SKAP1: variants seen among roughly 807,000 people sequenced by gnomAD.
SKAP1 encodes the protein src kinase associated phosphoprotein 1.
In SKAP1, 44 loss-of-function variants were observed where a neutral mutation model predicts 58.5. The observed-to-expected ratio is 0.75, with a 90% CI of 0.59 to 0.97. SKAP1 has a LOEUF of 0.97. Ranked by LOEUF, SKAP1 falls within the 50% of genes least tolerant of loss-of-function variation. The probability of loss-of-function intolerance (pLI) is 0.00; values close to 1 mark genes in which losing one functional copy is unlikely to be tolerated. For synonymous variants in SKAP1, 127 were observed against 149.7 expected (o/e 0.85, Z 1.11); for missense variants, 390 against 435.2 (o/e 0.90, Z 0.92).
intron 1 of SKAP1, among the ~76,000 whole-genome samples, chr17:48,402,910 G>A (rs2067518772): frequency 6.6e-6 from 1 of 152,150 alleles, no homozygotes; most frequent in African/African-American, 2.4e-5. Context: ...GTCAGGAAGA[G>A]GGATTGGAGA....
chr17:48,187,235 G>A (rs565039410), intron 6 of SKAP1, among the ~76,000 whole-genome samples: 6 of 152,270 alleles, frequency 3.9e-5, no homozygotes, highest in Non-Finnish European at 7.3e-5. Context: ...CATGAGTGTT[G>A]ACTTGATTAA....
intron 10 of SKAP1, 107 bp from the exon 11 acceptor site, chr17:48,162,676 AC>A (rs1371258733): frequency 2.7e-6 from 2 of 731,686 alleles, no homozygotes; most frequent in African/African-American, 3.5e-5. Context: ...CCCCTAGGAA[AC>A]CTCAGATTAA....
the SKAP1 span, among the ~76,000 whole-genome samples, chr17:48,440,084 C>T: frequency 4.6e-5 from 7 of 152,158 alleles, no homozygotes; most frequent in African/African-American, 4.8e-5. Flanking sequence ...TTCAGCAATG[C>T]GGCCTGCGAC....
chr17:48,296,402 T>G (rs540864542), intron 4 of SKAP1, among the ~76,000 whole-genome samples: 1 of 152,324 alleles, frequency 6.6e-6, no homozygotes, highest in South Asian at 2.1e-4. Context: ...GCAAGGTGGT[T>G]GTTGTTGTTT....
intron 2 of SKAP1, among the ~76,000 whole-genome samples, chr17:48,387,148 G>T (rs2067287873): frequency 6.6e-6 from 1 of 152,084 alleles, no homozygotes. Flanking sequence ...TACAAGATTC[G>T]CAAAATAAAG....
chr17:48,293,550 A>G (rs1373747076), intron 4 of SKAP1, among the ~76,000 whole-genome samples: 1 of 152,208 alleles, frequency 6.6e-6, no homozygotes, highest in African/African-American at 2.4e-5. Flanking sequence ...GTTGTCCCAC[A>G]CGGGCTTGCT....
chr17:48,157,238 C>CT (rs11314766), intron 11 of SKAP1, among the ~76,000 whole-genome samples: 54 of 143,350 alleles, frequency 3.8e-4, no homozygotes, highest in African/African-American at 1.2e-3. Flanking sequence ...TGGGGAGCAT[C>CT]TTTTTTTTTT....
At chr17:48,227,137 T>C (rs1431146718) in intron 4 of SKAP1, among the ~76,000 whole-genome samples, 2 of 152,186 alleles carry the variant, frequency 1.3e-5, no homozygotes, top group Non-Finnish European at 2.9e-5. Context: ...AGGACTGGCA[T>C]GATATCTCAA....
chr17:48,234,613 A>G (rs548217582), intron 4 of SKAP1, among the ~76,000 whole-genome samples: 1 of 152,274 alleles, frequency 6.6e-6, no homozygotes, highest in East Asian at 1.9e-4. Context: ...ATGCAATCCA[A>G]CCCTGGAAAC....
intron 4 of SKAP1, among the ~76,000 whole-genome samples, chr17:48,281,713 G>C (rs1454507211): frequency 6.6e-6 from 1 of 151,830 alleles, no homozygotes; most frequent in Non-Finnish European, 1.5e-5. Context: ...CATAAGTGTT[G>C]ATCTAGTATA....
chr17:48,367,121 G>A, intron 2 of SKAP1, among the ~76,000 whole-genome samples: 1 of 152,104 alleles, frequency 6.6e-6, no homozygotes, highest in East Asian at 1.9e-4. Flanking sequence ...TGGCTTCCTG[G>A]TTTCTCTTGT....
intron 4 of SKAP1, among the ~76,000 whole-genome samples, chr17:48,305,227 G>A (rs1405999306): frequency 2.6e-5 from 4 of 152,042 alleles, no homozygotes; most frequent in Non-Finnish European, 4.4e-5. Context: ...TGTTGACCAG[G>A]CTGCTGGAGT....
chr17:48,199,479 G>C (rs2064696557), intron 4 of SKAP1, among the ~76,000 whole-genome samples: 1 of 152,172 alleles, frequency 6.6e-6, no homozygotes, highest in Non-Finnish European at 1.5e-5. Context: ...TCTACATCCA[G>C]CTGCCGAGTT....
At chr17:48,182,739 T>C (rs1039531222) in intron 7 of SKAP1, among the ~76,000 whole-genome samples, 12 of 152,220 alleles carry the variant, frequency 7.9e-5, no homozygotes, top group African/African-American at 2.9e-4. Context: ...AGACATTTAT[T>C]TGAGAAAAGT....
At chr17:48,256,236 G>GAGT (rs2065422261) in intron 4 of SKAP1, among the ~76,000 whole-genome samples, 1 of 151,942 alleles carries the variant, frequency 6.6e-6, no homozygotes, top group Non-Finnish European at 1.5e-5. Context: ...AAGGTCCAGA[G>GAGT]AGTAGTGTAA....
chr17:48,264,817 C>T (rs2065525573), intron 4 of SKAP1, among the ~76,000 whole-genome samples: 2 of 151,280 alleles, frequency 1.3e-5, no homozygotes, highest in Non-Finnish European at 2.9e-5. Context: ...TTGTGGCTGA[C>T]AGAACTGTAC....
At position 48,411,339 on chromosome 17, in the gene SKAP1, C is replaced by T. The variant is rs546153637; in HGVS notation, c.47-14554G>A. ...TGTTTGAACCCAGAGGCAGAGGTTG[C>T]AGTGAGCCGACATCACGCCACTGCA... On this transcript the variant is annotated intron_variant, in intron 1 of 12. Transcript: ENST00000336915. 8.6e-5 allele frequency among the ~76,000 whole-genome samples: 13 copies of T among 152,040 alleles called. No individual in the cohort carries two copies. The East Asian group carries it at 2.5e-3, about 29-fold the overall frequency.
chr17:48,241,202 C>T (rs2065240598), intron 4 of SKAP1, among the ~76,000 whole-genome samples: 1 of 152,000 alleles, frequency 6.6e-6, no homozygotes, highest in Admixed American at 6.6e-5. Flanking sequence ...GCTGGAACAC[C>T]ACACATGGGG....
intron 4 of SKAP1, among the ~76,000 whole-genome samples, chr17:48,241,445 A>G (rs896690000): frequency 1.3e-5 from 2 of 152,146 alleles, no homozygotes; most frequent in African/African-American, 4.8e-5. Flanking sequence ...TTCAAGCTCA[A>G]TTTGGGCTGA....
Sources: gnomAD v4.1 joint callset for allele counts (sites outside exome capture counted in the v4.1 genomes callset) on GRCh38, gnomAD v4.1.1 for gene constraint, MANE v1.5 for transcripts, NCBI Gene and HGNC (gene_info 2026-07-23, HGNC 2026-07-21) for gene names.